Variants in ALMS1 observed in about 807,000 individuals in gnomAD.
ALMS1 encodes ALMS1 centrosome and basal body associated protein.
Under a neutral mutation model 352.2 loss-of-function variants are expected in ALMS1, and 271 were observed. That is an observed-to-expected ratio of 0.77 (90% confidence interval 0.70 to 0.85). ALMS1 has a LOEUF of 0.85. Among genes scored for constraint, ALMS1 ranks in the 40% least tolerant of loss-of-function variants. The pLI is 0.00. For synonymous variants in ALMS1, 1,865 were observed against 1,761.2 expected, an observed-to-expected ratio of 1.06 and a Z score of -1.48; for missense variants, 5,445 against 4,870.7, an observed-to-expected ratio of 1.12 and a Z score of -3.51.
intron 17 of ALMS1, 91 bp from the exon 18 acceptor site, chr2:73,600,587 A>G: frequency 8.3e-7 from 1 of 1,206,020 alleles, no homozygotes; most frequent in Non-Finnish European, 1.2e-6. Context: ...TATTTTTGAA[A>G]CATTAAAAAG....
At chr2:73,486,075 A>G (rs892359755) in intron 9 of ALMS1, among the ~76,000 whole-genome samples, 2 of 151,904 alleles carry the variant, frequency 1.3e-5, no homozygotes, top group African/African-American at 4.8e-5. Flanking sequence ...AGCTGTTCCT[A>G]TTCGGCCATC....
chr2:73,495,328 G>C (rs996352367), intron 10 of ALMS1, among the ~76,000 whole-genome samples: 2 of 151,910 alleles, frequency 1.3e-5, no homozygotes, highest in Non-Finnish European at 2.9e-5. Context: ...TCCACCTCCC[G>C]GGTTCAAGCA....
chr2:73,523,033 C>G (rs1435023596), intron 11 of ALMS1, among the ~76,000 whole-genome samples: 1 of 152,106 alleles, frequency 6.6e-6, no homozygotes, highest in African/African-American at 2.4e-5. Context: ...TAAGATCTTC[C>G]ATCTAACAAC....
intron 18 of ALMS1, 114 bp from the exon 19 acceptor site, chr2:73,601,081 T>C: frequency 6.5e-7 from 1 of 1,547,422 alleles, no homozygotes; most frequent in Non-Finnish European, 8.8e-7. Context: ...CCCTGTGGCC[T>C]CTGACAGCTG....
chr2:73,558,355 A>G (rs1239779630), intron 14 of ALMS1, among the ~76,000 whole-genome samples: 1 of 152,196 alleles, frequency 6.6e-6, no homozygotes, highest in Non-Finnish European at 1.5e-5. Flanking sequence ...TCTGGGCAAC[A>G]CTTCTGAATT....
At chr2:73,575,017 T>C (rs1275150255) in intron 16 of ALMS1, among the ~76,000 whole-genome samples, 5 of 152,174 alleles carry the variant, frequency 3.3e-5, no homozygotes, top group African/African-American at 9.7e-5. Flanking sequence ...ATGGAATCAT[T>C]TAATATATGA....
chr2:73,502,635 CTGATCTATGGAT>C, intron 10 of ALMS1, among the ~76,000 whole-genome samples: 1 of 152,168 alleles, frequency 6.6e-6, no homozygotes, highest in East Asian at 1.9e-4. Context: ...GATGTTTTTC[CTGATCTATGGAT>C]ATGATCATAC....
intron 6 of ALMS1, among the ~76,000 whole-genome samples, chr2:73,431,538 C>A (rs1035657655): frequency 9.2e-5 from 14 of 152,260 alleles, no homozygotes; most frequent in African/African-American, 3.4e-4. Flanking sequence ...ATATTGGTTT[C>A]TAATTTCTTT....
chr2:73,460,923 G>A (rs1260044728), intron 9 of ALMS1, among the ~76,000 whole-genome samples: 1 of 152,228 alleles, frequency 6.6e-6, no homozygotes, highest in African/African-American at 2.4e-5. Context: ...GCTTGATTAG[G>A]TAAACAAAGC....
chr2:73,522,562 C>T (rs531923279), intron 11 of ALMS1, among the ~76,000 whole-genome samples: 20 of 149,438 alleles, frequency 1.3e-4, no homozygotes, highest in Admixed American at 2.7e-4. Context: ...CTGCATCTTC[C>T]GGGTTCAAGG....
chr2:73,540,057 G>GA (rs1333563766), intron 12 of ALMS1, among the ~76,000 whole-genome samples: 1 of 152,120 alleles, frequency 6.6e-6, no homozygotes, highest in Non-Finnish European at 1.5e-5. Context: ...GCAACTCCAA[G>GA]ACACATAATT....
intron 9 of ALMS1, chr2:73,469,591 A>T (rs761717029): frequency 2.0e-5 from 3 of 151,964 alleles, no homozygotes; most frequent in Non-Finnish European, 4.4e-5. Flanking sequence ...GAGAGAGAAA[A>T]ACTTTATTGA....
At chr2:73,516,388 AT>A (rs1410980715) in intron 10 of ALMS1, among the ~76,000 whole-genome samples, 1 of 152,198 alleles carries the variant, frequency 6.6e-6, no homozygotes, top group Non-Finnish European at 1.5e-5. Flanking sequence ...AACTGTGGAG[AT>A]TCCTTAAAGA....
At chr2:73,520,917 A>G (rs1023953260) in intron 11 of ALMS1, among the ~76,000 whole-genome samples, 8 of 152,306 alleles carry the variant, frequency 5.3e-5, no homozygotes, top group East Asian at 3.9e-4. Flanking sequence ...AGACTTTACT[A>G]ATTTTTAAAA....
rs772678927 is a variant in ALMS1 at position 73,419,294 on chromosome 2, G to T, written c.622G>T (p.Asp208Tyr). 6.2e-7 allele frequency: 1 copy of T among 1,613,780 alleles called. No individual in the cohort carries two copies. Among genetic ancestry groups the T allele is most frequent in the African/African-American group, 1.3e-5 (1 of 74,918 alleles). Residue 208 changes from aspartate to tyrosine, a missense_variant, in exon 3 of 23, where the codon GAT (aspartate) becomes TAT (tyrosine). By Grantham distance (160) the Asp-to-Tyr change is radical. Coordinates refer to ENST00000613296, the MANE Select transcript of ALMS1 (RefSeq NM_001378454.1). ...SENQVKEPNR[D>Y]LFCSPLLVIQ... Reference sequence around the variant, plus strand: ...AAATCAAGTAAAGGAACCCAACAGAGATCTCTTCTGTTCTCCACTGCTAGG... The same window carrying T: ...AAATCAAGTAAAGGAACCCAACAGATATCTCTTCTGTTCTCCACTGCTAGG...
At chr2:73,441,811 T>A (rs190809883) in intron 7 of ALMS1, among the ~76,000 whole-genome samples, 11 of 151,966 alleles carry the variant, frequency 7.2e-5, no homozygotes, top group Non-Finnish European at 1.5e-5. Context: ...TCTAGGGAAG[T>A]GGAGGGAAAA....
chr2:73,602,565 G>T (rs1158594934), intron 20 of ALMS1, among the ~76,000 whole-genome samples, 197 bp downstream of exon 20: 1 of 152,212 alleles, frequency 6.6e-6, no homozygotes, highest in Non-Finnish European at 1.5e-5. Flanking sequence ...ATCCAAGTAA[G>T]CCCAGTTACT....
At chr2:73,461,230 T>G (rs1435742445) in intron 9 of ALMS1, among the ~76,000 whole-genome samples, 1 of 152,196 alleles carries the variant, frequency 6.6e-6, no homozygotes, top group African/African-American at 2.4e-5. Flanking sequence ...GGTACTCCTC[T>G]GAGACAAAAC....
rs768057574 is a variant in ALMS1 at position 73,452,065 on chromosome 2, G to T, written c.5538G>T (p.Leu1846=). The T allele has an allele frequency of 2.5e-6, 4 of 1,613,940 alleles. No homozygotes were observed. The Admixed American group carries it at 6.7e-5, about 27-fold the overall frequency. ...PADQKTGINI[L]PSNSYPQREH... ...ACCAGAAGACTGGAATAAACATCCT[G>T]CCCTCTAATTCCTACCCACAGAGAG... is the stretch of plus-strand genomic sequence containing the variant. The change falls in exon 8 of 23, where the codon CTG becomes CTT. Residue 1846 remains leucine, a synonymous_variant. Coordinates refer to ENST00000613296, the MANE Select transcript of ALMS1 (RefSeq NM_001378454.1).
Sources: gnomAD v4.1 joint callset for allele counts (sites outside exome capture counted in the v4.1 genomes callset) on GRCh38, gnomAD v4.1.1 for gene constraint, MANE v1.5 for transcripts, NCBI Gene and HGNC (gene_info 2026-07-23, HGNC 2026-07-21) for gene names.